Variants in ABHD12 observed in about 807,000 individuals in gnomAD.
ABHD12 encodes abhydrolase domain containing 12, lysophospholipase, also known as lysophosphatidylserine lipase ABHD12.
A neutral mutation model predicts 58.3 loss-of-function variants in ABHD12; 43 were observed. The ratio of observed to expected loss-of-function variants is 0.74; its 90% CI spans 0.58 to 0.95. ABHD12 has a LOEUF of 0.95. Ranked by LOEUF, ABHD12 falls within the 40% of genes least tolerant of loss-of-function variation. The probability of loss-of-function intolerance (pLI) is 0.00; values close to 1 mark genes in which losing one functional copy is unlikely to be tolerated. For missense variants in ABHD12, 539 were observed against 537.2 expected (o/e 1.00, Z -0.03); for synonymous variants, 219 against 211.2 (o/e 1.04, Z -0.32).
rs774414174 is a variant in ABHD12 at position 25,302,216 on chromosome 20, C to T, written c.1157+3G>A. The T allele has an allele frequency of 1.9e-5, 31 of 1,613,064 alleles. No homozygotes were observed. Among genetic ancestry groups the T allele is most frequent in the South Asian group, 1.3e-4 (12 of 91,026 alleles). On this transcript the variant is annotated splice_donor_region_variant and intron_variant, in intron 12 of 12. Coordinates refer to ENST00000339157, the MANE Select transcript of ABHD12 (RefSeq NM_001042472.3). ...GCCCCTGGGTGGGAAGAGAATGTCT[C>T]ACCTCAGTATCCGTGGCAGCTCAGG...
intron 8 of ABHD12, 59 bp from the exon 9 acceptor site, chr20:25,308,104 C>T (rs2088779289): frequency 1.7e-6 from 2 of 1,206,660 alleles, no homozygotes; most frequent in Non-Finnish European, 2.5e-6. Flanking sequence ...TACATGTGGC[C>T]TGTGGGGCTC....
At chr20:25,295,238 G>A (rs1759882085), downstream of ABHD12, among the ~76,000 whole-genome samples, 1 of 152,258 alleles carries the variant, frequency 6.6e-6, no homozygotes, top group Non-Finnish European at 1.5e-5. Context: ...CCCAGCAAGT[G>A]CCCCCTGCCC....
At position 25,339,358 on chromosome 20, in the gene ABHD12, G is replaced by C. The variant is rs1420730363; in HGVS notation, c.192-7C>G. The C allele has an allele frequency of 1.2e-6, 2 of 1,614,082 alleles. No homozygotes were observed. The highest frequency in any genetic ancestry group is 4.5e-5 in the East Asian group (2 of 44,868). On this transcript the variant is annotated splice_region_variant and splice_polypyrimidine_tract_variant and intron_variant, in intron 1 of 12. Coordinates refer to ENST00000339157, the MANE Select transcript of ABHD12 (RefSeq NM_001042472.3). ...CAACCACACGCCCTTTCGCCTGCAAGAGAAAAGCAATGAATAGGTCAGAAG... is the reference window on the plus strand; with the variant it reads ...CAACCACACGCCCTTTCGCCTGCAACAGAAAAGCAATGAATAGGTCAGAAG...
chr20:25,371,935 T>A (rs979887407), intron 1 of ABHD12, among the ~76,000 whole-genome samples: 11 of 152,230 alleles, frequency 7.2e-5, no homozygotes, highest in African/African-American at 2.4e-4. Flanking sequence ...ATTTTCACTT[T>A]CCTCAAGCAT....
chr20:25,336,689 C>G (rs777438524), intron 2 of ABHD12, among the ~76,000 whole-genome samples: 1 of 152,232 alleles, frequency 6.6e-6, no homozygotes, highest in Non-Finnish European at 1.5e-5. Flanking sequence ...GGAAAACCAA[C>G]AAGCTCCATG....
In ABHD12 at chr20:25,309,380, C is replaced by A; in HGVS notation, c.749+66G>T. The A allele has an allele frequency of 1.9e-6, 3 of 1,610,288 alleles. No homozygotes were observed. In the South Asian group the frequency reaches 3.3e-5, roughly 18 times the overall value. Reference sequence around the variant, plus strand: ...TGCAGGGATGGTGGACTCTCTAGATCCAGGCATGGGAGTCACCAGGAATAC... The same window carrying A: ...TGCAGGGATGGTGGACTCTCTAGATACAGGCATGGGAGTCACCAGGAATAC... On this transcript the variant is annotated intron_variant, in intron 7 of 12. Transcript: ENST00000339157.
intron 7 of ABHD12, 125 bp downstream of exon 7, chr20:25,309,321 C>T (rs1455994819): frequency 6.4e-6 from 9 of 1,403,140 alleles, no homozygotes; most frequent in East Asian, 2.3e-5. Context: ...GGGATGGGAG[C>T]GAGGCTGGTC....
At chr20:25,345,376 C>T (rs6050547) in intron 1 of ABHD12, among the ~76,000 whole-genome samples, 83,272 of 151,942 alleles carry the variant, frequency 0.55, 23,408 homozygotes, top group Admixed American at 0.62. Flanking sequence ...TGAGCCACCG[C>T]GCCTGGCCGA....
chr20:25,309,704 G>C (rs1349465850), intron 6 of ABHD12, 129 bp from the exon 7 acceptor site: 1 of 1,380,344 alleles, frequency 7.2e-7, no homozygotes, highest in Non-Finnish European at 1.0e-6. Flanking sequence ...CCCTTCCAGA[G>C]TCCACAGACC....
rs1207132676 is a variant in ABHD12, at chr20:25,300,710, G to A, written c.*135C>T. 7 of 1,558,058 alleles carry A rather than the reference G, an allele frequency of 4.5e-6. No homozygotes were observed. In the South Asian group the frequency reaches 5.8e-5, roughly 13 times the overall value. ...AGGGGCCTCCCCGCCTGGGATCTGA[G>A]GTGCTCTCCAGGTGCGAGCTGGGCT... On this transcript the variant is annotated 3_prime_UTR_variant, in exon 13 of 13. Transcript: ENST00000339157.
chr20:25,304,350 A>G (rs1277986787), intron 10 of ABHD12, among the ~76,000 whole-genome samples: 1 of 152,218 alleles, frequency 6.6e-6, no homozygotes, highest in Non-Finnish European at 1.5e-5. Flanking sequence ...CCCTCTCACC[A>G]GAGGCTCTGG....
Position 25,390,627 on chromosome 20 carries a change from G to C in ABHD12, c.77C>G (p.Ala26Gly), listed in dbSNP as rs1323839994. 3 of 1,458,874 alleles carry C rather than the reference G, an allele frequency of 2.1e-6. No individual in the cohort carries two copies. The African/African-American group carries it at 4.4e-5, about 22-fold the overall frequency. The allele number at this position is 1,458,874 out of a possible 1,614,324, so 90.4% of individuals were successfully genotyped here. ...AAAGSSSSGSAAAALDADCRL... is the reference protein window; with the variant it reads ...AAAGSSSSGSGAAALDADCRL... The stretch of plus-strand genomic sequence containing the variant: ...GCAGTCGGCGTCCAGCGCCGCGGCG[G>C]CCGAGCCGGAGGAGGACGAGCCCGC... Residue 26 changes from alanine (A) to glycine (G), a missense_variant, in exon 1 of 13, where the codon GCC becomes GGC. By Grantham distance (60) the Ala-to-Gly change is moderately conservative. Coordinates refer to ENST00000339157, the MANE Select transcript of ABHD12 (RefSeq NM_001042472.3).
chr20:25,296,264 A>G, downstream of ABHD12: 1 of 1,409,544 alleles, frequency 7.1e-7, no homozygotes, highest in Non-Finnish European at 9.9e-7. Flanking sequence ...GATGGCCCCA[A>G]GGCTCGGAGC....
At chr20:25,381,932 A>G (rs1341786045) in intron 1 of ABHD12, among the ~76,000 whole-genome samples, 1 of 152,192 alleles carries the variant, frequency 6.6e-6, no homozygotes, top group Non-Finnish European at 1.5e-5. Flanking sequence ...TGCTGGGATT[A>G]CAGGCATGAG....
In ABHD12 at chr20:25,374,585, C is replaced by T. The variant is rs527358907; in HGVS notation, c.191+15928G>A. Among the ~76,000 whole-genome samples, 6 of 152,266 alleles carry T rather than the reference C, an allele frequency of 3.9e-5. No homozygotes were observed. The East Asian group carries it at 1.2e-3, about 29-fold the overall frequency. ...CTCAGCTCACTGCAACCTCCGCCTC[C>T]CAGGTTCAAGTGATTCTCCTGCCTC... On this transcript the variant is annotated intron_variant, in intron 1 of 12. Coordinates refer to ENST00000339157, the MANE Select transcript of ABHD12 (RefSeq NM_001042472.3).
intron 1 of ABHD12, among the ~76,000 whole-genome samples, chr20:25,358,902 G>GT (rs902983015): frequency 6.6e-6 from 1 of 152,016 alleles, no homozygotes; most frequent in African/African-American, 2.4e-5. Flanking sequence ...GAATATAGTG[G>GT]TTTTACAGCT....
chr20:25,306,707 T>G lies in ABHD12; in HGVS notation c.950+126A>C, dbSNP rs538260705. The stretch of plus-strand genomic sequence containing the variant: ...GGCTTTCCCTTTTTAAAGACCTGTT[T>G]GCTAGAGAATGACCCTAAATACACT... On this transcript the variant is annotated intron_variant, in intron 10 of 12. Coordinates refer to ENST00000339157, the MANE Select transcript of ABHD12 (RefSeq NM_001042472.3). 4 of 702,148 alleles carry G rather than the reference T, an allele frequency of 5.7e-6. No individual in the cohort carries two copies. In the East Asian group the frequency reaches 1.1e-4, roughly 20 times the overall value. 43.5% of individuals were successfully genotyped at this position (702,148 alleles called of 1,614,324 possible).
chr20:25,300,797 A>G lies in ABHD12; in HGVS notation c.*48T>C. The G allele has an allele frequency of 6.2e-7, 1 of 1,613,782 alleles. No individual in the cohort carries two copies. The highest frequency in any genetic ancestry group is 8.5e-7 in the Non-Finnish European group (1 of 1,179,864). On this transcript the variant is annotated 3_prime_UTR_variant, in exon 13 of 13. Transcript: ENST00000339157. ...GGATACCGGGCTGCTGACTGGAGGA[A>G]AACGGGAGGAGGGCAGAGGTCTTCA... is the stretch of plus-strand genomic sequence containing the variant.
chr20:25,322,381 A>ATATATATATATATATATATATATATTTTT, intron 3 of ABHD12, among the ~76,000 whole-genome samples: 8 of 59,256 alleles, frequency 1.4e-4, no homozygotes, highest in African/African-American at 2.5e-4. Context: ...ATATATATAT[A>ATATATATATATATATATATATATATTTTT]TTTTTTTTTT....
Sources: allele counts gnomAD v4.1 joint callset (sites outside exome capture counted in the v4.1 genomes callset), GRCh38; gene constraint gnomAD v4.1.1; transcripts MANE v1.5; gene names NCBI Gene and HGNC (gene_info 2026-07-23, HGNC 2026-07-21).